Variants in ADAMTSL3 observed in about 807,000 individuals in gnomAD.
ADAMTSL3 encodes the protein ADAMTS-like protein 3.
A neutral mutation model predicts 201.7 loss-of-function variants in ADAMTSL3; 128 were observed. That is an observed-to-expected ratio of 0.63 (90% CI 0.55 to 0.73). The LOEUF is 0.73. Among genes scored for constraint, ADAMTSL3 ranks in the 30% least tolerant of loss-of-function variants. ADAMTSL3 has a pLI of 0.00. For synonymous variants in ADAMTSL3, 738 were observed against 748.4 expected (o/e 0.99, Z 0.23); for missense variants, 1,990 against 2,119.6 (o/e 0.94, Z 1.20).
At chr15:83,710,065 G>A (rs1357207127) in intron 3 of ADAMTSL3, among the ~76,000 whole-genome samples, 1 of 152,130 alleles carries the variant, frequency 6.6e-6, no homozygotes, top group East Asian at 1.9e-4. Flanking sequence ...TTAATACCTT[G>A]GATTCCAAGC....
intron 2 of ADAMTSL3, among the ~76,000 whole-genome samples, chr15:83,698,972 CT>C: frequency 6.6e-6 from 1 of 151,890 alleles, no homozygotes; most frequent in African/African-American, 2.4e-5. Context: ...CATTTTTAGT[CT>C]CTTCTGCTTG....
At chr15:83,970,912 C>A (rs1567272648) in intron 20 of ADAMTSL3, among the ~76,000 whole-genome samples, 1 of 152,210 alleles carries the variant, frequency 6.6e-6, no homozygotes, top group East Asian at 1.9e-4. Flanking sequence ...ATAATTCCTT[C>A]TGCTTAGAGT....
intron 17 of ADAMTSL3, among the ~76,000 whole-genome samples, chr15:83,937,287 T>TA (rs1357569218): frequency 6.6e-6 from 1 of 150,834 alleles, no homozygotes; most frequent in East Asian, 1.9e-4. Context: ...AGACTGGATT[T>TA]AAAAAAATGT....
Position 83,805,277 on chromosome 15 carries a change from G to T in ADAMTSL3, c.363+582G>T, listed in dbSNP as rs117405134. The stretch of plus-strand genomic sequence containing the variant: ...CTTGCTTTAGAAATTTGAAAATAAG[G>T]CCAGGCGCATTGGCTCATGCCTGTA... On this transcript the variant is annotated intron_variant, in intron 5 of 29. Coordinates refer to ENST00000286744, the MANE Select transcript of ADAMTSL3 (RefSeq NM_207517.3). Among the ~76,000 whole-genome samples the T allele has an allele frequency of 4.9e-4, 74 of 152,194 alleles. No individual in the cohort carries two copies. The East Asian group carries it at 0.014, about 28-fold the overall frequency.
At chr15:83,847,606 C>T (rs1213669123) in intron 7 of ADAMTSL3, among the ~76,000 whole-genome samples, 1 of 151,896 alleles carries the variant, frequency 6.6e-6, no homozygotes, top group African/African-American at 2.4e-5. Context: ...AGTGATTCTC[C>T]TGCCTCAGCC....
At chr15:83,951,974 C>T (rs566007730) in intron 19 of ADAMTSL3, among the ~76,000 whole-genome samples, 18 of 152,046 alleles carry the variant, frequency 1.2e-4, no homozygotes, top group Non-Finnish European at 2.1e-4. Context: ...GTTCATTGAT[C>T]GTTTGTATCG....
chr15:83,923,553 C>T (rs2066186890), intron 16 of ADAMTSL3, among the ~76,000 whole-genome samples: 1 of 152,120 alleles, frequency 6.6e-6, no homozygotes, highest in Admixed American at 6.5e-5. Context: ...GAAGGAACAC[C>T]TTGATGGCTT....
rs1422988352 is a variant in ADAMTSL3, at chr15:83,982,472, G to A, written c.2844G>A (p.Lys948=). 20 of 1,614,084 alleles carry A rather than the reference G, an allele frequency of 1.2e-5. No individual in the cohort carries two copies. The highest frequency in any genetic ancestry group is 4.0e-5 in the African/African-American group (3 of 74,922). ...AGAAATCTCTGATCCAGTGGGAGAAGGATGGCCGTTGCCTGCAGAACTCCA... is the reference window on the plus strand; with the variant it reads ...AGAAATCTCTGATCCAGTGGGAGAAAGATGGCCGTTGCCTGCAGAACTCCA... ...RFQKSLIQWE[K]DGRCLQNSKR... The change falls in exon 21 of 30, where the codon AAG becomes AAA. Residue 948 remains lysine (K), a synonymous_variant. Coordinates refer to ENST00000286744, the MANE Select transcript of ADAMTSL3 (RefSeq NM_207517.3).
At chr15:83,815,615 T>C (rs1163178357) in intron 5 of ADAMTSL3, among the ~76,000 whole-genome samples, 1 of 152,234 alleles carries the variant, frequency 6.6e-6, no homozygotes, top group Non-Finnish European at 1.5e-5. Flanking sequence ...AGCTGGGACA[T>C]GGGACCTAGC....
chr15:83,909,362 C>CT (rs1316902757), intron 15 of ADAMTSL3, among the ~76,000 whole-genome samples: 5 of 152,094 alleles, frequency 3.3e-5, no homozygotes. Context: ...ATTTTTATTA[C>CT]TTTTTCCTGG....
chr15:83,758,081 T>C (rs1412281364), intron 3 of ADAMTSL3, among the ~76,000 whole-genome samples: 1 of 152,200 alleles, frequency 6.6e-6, no homozygotes, highest in East Asian at 1.9e-4. Flanking sequence ...TTCCATCCTC[T>C]GCCCATTACC....
chr15:83,901,279 A>T (rs961726069), intron 15 of ADAMTSL3, among the ~76,000 whole-genome samples: 2 of 152,104 alleles, frequency 1.3e-5, no homozygotes, highest in South Asian at 4.1e-4. Flanking sequence ...AAAGAGGAAG[A>T]TGGTAAGGGA....
intron 2 of ADAMTSL3, among the ~76,000 whole-genome samples, chr15:83,662,862 C>G (rs1027344720): frequency 3.3e-5 from 5 of 152,198 alleles, no homozygotes; most frequent in Non-Finnish European, 7.3e-5. Context: ...GCTCTTTACT[C>G]AACTGGATAC....
At chr15:83,973,624 T>C (rs1260332319) in intron 20 of ADAMTSL3, among the ~76,000 whole-genome samples, 1 of 152,218 alleles carries the variant, frequency 6.6e-6, no homozygotes, top group East Asian at 1.9e-4. Flanking sequence ...AAATTCACCA[T>C]AGCAACTATT....
chr15:83,942,630 AC>A lies in ADAMTSL3; in HGVS notation c.2154del (p.Cys719ValfsTer72). 1 of 1,613,812 alleles carries A rather than the reference AC, an allele frequency of 6.2e-7. No homozygotes were observed. The highest frequency in any genetic ancestry group is 8.5e-7 in the Non-Finnish European group (1 of 1,179,938). ...GGGCTCTTGGGGGCCCTGCTCAGCT[AC>A]CTGTGGAGTTGGAATTCAGACCCGA... is the stretch of plus-strand genomic sequence containing the variant. ...HVGSWGPCSA[T>X]CGVGIQTRDV... On this transcript the variant is annotated frameshift_variant, in exon 18 of 30. Coordinates refer to ENST00000286744, the MANE Select transcript of ADAMTSL3 (RefSeq NM_207517.3). LOFTEE classifies it high-confidence loss of function.
intron 2 of ADAMTSL3, among the ~76,000 whole-genome samples, chr15:83,693,144 T>G (rs186688030): frequency 1.3e-5 from 2 of 152,346 alleles, no homozygotes; most frequent in African/African-American, 4.8e-5. Context: ...CAGATTTGTC[T>G]GATACTCAGT....
intron 23 of ADAMTSL3, among the ~76,000 whole-genome samples, chr15:83,995,861 A>G (rs1346320946): frequency 1.3e-5 from 2 of 152,214 alleles, no homozygotes; most frequent in East Asian, 1.9e-4. Context: ...GATTTGCTCT[A>G]TCAAATATAA....
chr15:84,030,621 C>T (rs1421077811), intron 27 of ADAMTSL3, among the ~76,000 whole-genome samples: 3 of 152,108 alleles, frequency 2.0e-5, no homozygotes, highest in African/African-American at 7.2e-5. Flanking sequence ...AGACTTTGGA[C>T]TTGGACTTTT....
chr15:83,832,978 A>G (rs905836934), intron 6 of ADAMTSL3, among the ~76,000 whole-genome samples: 2 of 152,194 alleles, frequency 1.3e-5, no homozygotes, highest in Admixed American at 6.5e-5. Flanking sequence ...AGCTGTGCAG[A>G]TGAAGAAACC....
Sources: gnomAD v4.1 joint callset for allele counts (sites outside exome capture counted in the v4.1 genomes callset) on GRCh38, gnomAD v4.1.1 for gene constraint, MANE v1.5 for transcripts, NCBI Gene and HGNC (gene_info 2026-07-23, HGNC 2026-07-21) for gene names.